Variants in HECW1 observed in about 807,000 individuals in gnomAD.
The protein encoded by HECW1 is HECT, C2 and WW domain containing E3 ubiquitin protein ligase 1, also known as E3 ubiquitin-protein ligase HECW1.
HECW1 carries 61 observed loss-of-function variants against 182.3 expected under a neutral mutation model. The ratio of observed to expected loss-of-function variants is 0.33; its 90% CI spans 0.27 to 0.41. The LOEUF (loss-of-function observed/expected upper bound fraction) is 0.41. HECW1 is among the 10% of genes least tolerant of loss of function. The pLI, the probability that HECW1 is intolerant of heterozygous loss-of-function variation, is 1.00. For synonymous variants in HECW1, 859 were observed against 832.6 expected (o/e 1.03, Z -0.55); for missense variants, 1,739 against 2,108.9 (o/e 0.82, Z 3.44).
chr7:43,284,292 G>A (rs777573824), intron 3 of HECW1, among the ~76,000 whole-genome samples: 1 of 152,070 alleles, frequency 6.6e-6, no homozygotes, highest in Non-Finnish European at 1.5e-5. Flanking sequence ...TGTGTGCATT[G>A]TAGAATGGCT....
At chr7:43,282,621 C>A (rs931020659) in intron 3 of HECW1, among the ~76,000 whole-genome samples, 1 of 152,112 alleles carries the variant, frequency 6.6e-6, no homozygotes, top group Non-Finnish European at 1.5e-5. Context: ...TTAAATATAT[C>A]TTTTAAAATT....
chr7:43,292,710 G>A (rs1194750958), intron 3 of HECW1, among the ~76,000 whole-genome samples: 4 of 152,134 alleles, frequency 2.6e-5, no homozygotes, highest in Non-Finnish European at 4.4e-5. Context: ...CCCAGCACCC[G>A]GGGCTCTTCT....
chr7:43,302,282 G>A (rs1011987848), intron 3 of HECW1, among the ~76,000 whole-genome samples: 13 of 152,180 alleles, frequency 8.5e-5, no homozygotes, highest in African/African-American at 1.9e-4. Flanking sequence ...CTAACTGGCC[G>A]CAGGGAGTCT....
chr7:43,424,975 G>T (rs1372162304), intron 8 of HECW1, among the ~76,000 whole-genome samples: 1 of 152,072 alleles, frequency 6.6e-6, no homozygotes, highest in African/African-American at 2.4e-5. Context: ...ATTAGGGAGG[G>T]AATAATGGGT....
chr7:43,269,244 C>G (rs1802120836), intron 3 of HECW1, among the ~76,000 whole-genome samples: 1 of 152,246 alleles, frequency 6.6e-6, no homozygotes, highest in African/African-American at 2.4e-5. Context: ...GAAATATTCT[C>G]TGTTTTAGTT....
chr7:43,400,139 G>A (rs1355042170), intron 7 of HECW1, among the ~76,000 whole-genome samples: 1 of 152,148 alleles, frequency 6.6e-6, no homozygotes, highest in East Asian at 1.9e-4. Flanking sequence ...AGGAAGCTGG[G>A]GCAGGAGGAT....
chr7:43,469,143 G>A (rs747440525), intron 16 of HECW1, 38 bp downstream of exon 16: 2 of 1,596,210 alleles, frequency 1.3e-6, no homozygotes, highest in Non-Finnish European at 1.7e-6. Context: ...CATCAAACAG[G>A]CTCCTTCCCC....
chr7:43,311,668 G>C, intron 3 of HECW1, 95 bp from the exon 4 acceptor site: 1 of 1,105,180 alleles, frequency 9.0e-7, no homozygotes, highest in Non-Finnish European at 1.4e-6. Flanking sequence ...CACTCACAGC[G>C]CGTGTCTCCC....
intron 2 of HECW1, among the ~76,000 whole-genome samples, chr7:43,168,900 C>A (rs1791400588): frequency 6.6e-6 from 1 of 152,078 alleles, no homozygotes. Flanking sequence ...TTAAGGGGGG[C>A]AGGAAATTTC....
intron 2 of HECW1, among the ~76,000 whole-genome samples, chr7:43,218,482 G>C (rs1313322486): frequency 6.6e-6 from 1 of 152,174 alleles, no homozygotes; most frequent in African/African-American, 2.4e-5. Context: ...AACACATTTT[G>C]GTGGAGAAGG....
chr7:43,362,151 A>AAGAG (rs1225225550), intron 6 of HECW1, among the ~76,000 whole-genome samples: 2 of 144,396 alleles, frequency 1.4e-5, no homozygotes, highest in Non-Finnish European at 3.0e-5. Context: ...AAAAAAAAAA[A>AAGAG]AGAGAGAGAG....
At chr7:43,158,997 T>A (rs948436663) in intron 2 of HECW1, among the ~76,000 whole-genome samples, 8 of 152,190 alleles carry the variant, frequency 5.3e-5, no homozygotes, top group African/African-American at 1.9e-4. Context: ...AAGGGCCAGA[T>A]AATTTGCATT....
chr7:43,184,960 C>T (rs528710994), intron 2 of HECW1, among the ~76,000 whole-genome samples: 4 of 152,204 alleles, frequency 2.6e-5, no homozygotes, highest in Non-Finnish European at 4.4e-5. Flanking sequence ...ACTCACTATA[C>T]AGTACCAAGG....
chr7:43,265,851 T>A (rs984697554), intron 3 of HECW1, among the ~76,000 whole-genome samples: 1 of 152,156 alleles, frequency 6.6e-6, no homozygotes, highest in African/African-American at 2.4e-5. Flanking sequence ...GGTTCAATGA[T>A]CTGCTAGAAT....
chr7:43,468,904 C>T lies in HECW1; in HGVS notation c.2914-16C>T. On this transcript the variant is annotated splice_polypyrimidine_tract_variant and intron_variant, in intron 15 of 29. Coordinates refer to ENST00000395891, the MANE Select transcript of HECW1 (RefSeq NM_015052.5). The stretch of plus-strand genomic sequence containing the variant: ...AATTCCCCACTCCTTACCCCGTCCG[C>T]CCTGACCTGTCTCAGAGTGCCTACC... 1 of 1,613,792 alleles carries T rather than the reference C, an allele frequency of 6.2e-7. No individual in the cohort carries two copies. The highest frequency in any genetic ancestry group is 8.5e-7 in the Non-Finnish European group (1 of 1,179,752).
intron 13 of HECW1, among the ~76,000 whole-genome samples, chr7:43,459,724 G>T (rs534414809): frequency 1.4e-3 from 206 of 152,256 alleles, no homozygotes; most frequent in African/African-American, 4.7e-3. Flanking sequence ...TTTTAGTAGA[G>T]AGAAGGTCTC....
chr7:43,433,046 T>A (rs992766937), intron 8 of HECW1, among the ~76,000 whole-genome samples: 9 of 152,176 alleles, frequency 5.9e-5, no homozygotes, highest in Non-Finnish European at 1.5e-5. Context: ...AAGGGTGATT[T>A]TGTCTCCCCA....
chr7:43,431,486 C>T (rs954038551), intron 8 of HECW1, among the ~76,000 whole-genome samples: 1 of 152,150 alleles, frequency 6.6e-6, no homozygotes, highest in South Asian at 2.1e-4. Flanking sequence ...CCACCCTTTT[C>T]TCCTTGCCTG....
At chr7:43,360,049 C>T (rs1029551698) in intron 5 of HECW1, among the ~76,000 whole-genome samples, 15 of 152,050 alleles carry the variant, frequency 9.9e-5, no homozygotes, top group African/African-American at 1.7e-4. Flanking sequence ...TTAATTGAAT[C>T]GAAGCACTTT....
Sources: gnomAD v4.1 joint callset for allele counts (sites outside exome capture counted in the v4.1 genomes callset) on GRCh38, gnomAD v4.1.1 for gene constraint, MANE v1.5 for transcripts, NCBI Gene and HGNC (gene_info 2026-07-23, HGNC 2026-07-21) for gene names.